Variants in ABCC1 observed in about 807,000 individuals in gnomAD.
ABCC1 encodes multidrug resistance-associated protein 1.
ABCC1 carries 83 observed loss-of-function variants against 172.9 expected under a neutral mutation model. The ratio of observed to expected loss-of-function variants is 0.48; its 90% CI spans 0.40 to 0.58. ABCC1 has a LOEUF of 0.58. Ranked by LOEUF, ABCC1 falls within the 20% of genes least tolerant of loss-of-function variation. The probability of loss-of-function intolerance (pLI) is 0.00; values close to 1 mark genes in which losing one functional copy is unlikely to be tolerated. For synonymous variants in ABCC1, 937 were observed against 825.2 expected (o/e 1.14, Z -2.32); for missense variants, 1,817 against 2,002.7 (o/e 0.91, Z 1.77).
intron 1 of ABCC1, among the ~76,000 whole-genome samples, chr16:15,950,033 C>T (rs185795826): frequency 5.2e-4 from 79 of 152,142 alleles, no homozygotes; most frequent in Admixed American, 3.7e-3. Context: ...GTGCCCAGCC[C>T]TGGGGTTTTG....
intron 26 of ABCC1, among the ~76,000 whole-genome samples, chr16:16,126,891 T>G (rs1044146743): frequency 6.6e-6 from 1 of 152,158 alleles, no homozygotes; most frequent in African/African-American, 2.4e-5. Context: ...AACCCTGCCG[T>G]TATTGAACCC....
intron 1 of ABCC1, among the ~76,000 whole-genome samples, chr16:15,985,103 A>G (rs1373326387): frequency 6.6e-6 from 1 of 152,170 alleles, no homozygotes; most frequent in Non-Finnish European, 1.5e-5. Flanking sequence ...ACTCTGTCTT[A>G]AAGCAAAAAC....
chr16:15,969,736 C>G (rs1020455139), intron 1 of ABCC1, among the ~76,000 whole-genome samples: 1 of 151,592 alleles, frequency 6.6e-6, no homozygotes, highest in African/African-American at 2.4e-5. Flanking sequence ...CGAGGCAAGA[C>G]TTGGGTGAGT....
chr16:15,949,886 C>A, intron 1 of ABCC1, 87 bp downstream of exon 1: 1 of 1,079,534 alleles, frequency 9.3e-7, no homozygotes, highest in Non-Finnish European at 1.2e-6. Flanking sequence ...GCCCGGGGCA[C>A]CCCGCTCCCC....
intron 1 of ABCC1, among the ~76,000 whole-genome samples, chr16:15,970,007 G>A (rs941663106): frequency 2.6e-5 from 4 of 152,170 alleles, no homozygotes; most frequent in Admixed American, 1.3e-4. Context: ...GGGGAGCTGC[G>A]TGGTGCCCGG....
intron 1 of ABCC1, among the ~76,000 whole-genome samples, chr16:16,004,572 A>C (rs916723869): frequency 2.0e-5 from 3 of 152,136 alleles, no homozygotes; most frequent in Non-Finnish European, 2.9e-5. Flanking sequence ...CAGGCCAAAA[A>C]GACGTGAACT....
At chr16:16,031,715 G>T (rs1482229297) in intron 5 of ABCC1, among the ~76,000 whole-genome samples, 1 of 152,126 alleles carries the variant, frequency 6.6e-6, no homozygotes, top group Non-Finnish European at 1.5e-5. Context: ...TCAGGTGCCA[G>T]CTTGACTGTC....
At chr16:16,120,949 A>G (rs867870314) in intron 23 of ABCC1, among the ~76,000 whole-genome samples, 10 of 152,286 alleles carry the variant, frequency 6.6e-5, no homozygotes, top group Middle Eastern at 3.4e-3. Flanking sequence ...AACAATAGTC[A>G]CCAGCTAACT....
intron 21 of ABCC1, among the ~76,000 whole-genome samples, chr16:16,107,924 G>T (rs935512996): frequency 1.3e-5 from 2 of 151,166 alleles, no homozygotes; most frequent in African/African-American, 4.9e-5. Context: ...TAGCCGGGGA[G>T]TGGGGCTGGG....
chr16:16,002,966 CAT>C (rs2047371774), intron 1 of ABCC1, among the ~76,000 whole-genome samples: 1 of 152,120 alleles, frequency 6.6e-6, no homozygotes, highest in African/African-American at 2.4e-5. Flanking sequence ...GGGAGAAAGA[CAT>C]ATTTTTCACT....
intron 1 of ABCC1, among the ~76,000 whole-genome samples, chr16:15,980,475 C>G (rs1302067831): frequency 1.3e-5 from 2 of 152,136 alleles, no homozygotes; most frequent in Admixed American, 1.3e-4. Context: ...GAAAGGGAAG[C>G]AAACATGTCC....
rs1555480464 is a variant in ABCC1 at position 16,007,243 on chromosome 16, TGA to T, written c.49-568_49-567del. ...GTGTGTGTGTGTGTGTGTGTGTGTG[TGA>T]GAGACAGGGTCTCGCTCTGTTGCCC... On this transcript the variant is annotated intron_variant, in intron 1 of 30. Transcript: ENST00000399410. Among the ~76,000 whole-genome samples, 185 of 151,306 alleles carry T rather than the reference TGA, an allele frequency of 1.2e-3. 1 individual carries two copies. The highest frequency in any genetic ancestry group is 3.3e-3 in the African/African-American group (138 of 41,218).
rs562314494 is a variant in ABCC1, at chr16:16,052,547, G to T, written c.1381-177G>T. On this transcript the variant is annotated intron_variant, in intron 10 of 30. Transcript: ENST00000399410. ...CTTCAAGGGATTGGGAGGACCTGGAGAGATGCTCAGGAATGAAACCACAGG... is the reference window on the plus strand; with the variant it reads ...CTTCAAGGGATTGGGAGGACCTGGATAGATGCTCAGGAATGAAACCACAGG... Among the ~76,000 whole-genome samples, 15 of 152,328 alleles carry T rather than the reference G, an allele frequency of 9.8e-5. No homozygotes were observed. In the East Asian group the frequency reaches 2.9e-3, roughly 29 times the overall value.
intron 20 of ABCC1, among the ~76,000 whole-genome samples, chr16:16,105,692 A>C (rs550274515): frequency 6.7e-6 from 1 of 150,168 alleles, no homozygotes; most frequent in South Asian, 2.1e-4. Context: ...CATGGTCTCC[A>C]TAATTTCTTT....
At chr16:15,975,128 A>G (rs1597066165) in intron 1 of ABCC1, among the ~76,000 whole-genome samples, 2 of 152,054 alleles carry the variant, frequency 1.3e-5, no homozygotes, top group Non-Finnish European at 2.9e-5. Context: ...GCAGTCAGAG[A>G]TGTTGCCTGC....
At chr16:16,127,019 T>C (rs1377909372) in intron 26 of ABCC1, among the ~76,000 whole-genome samples, 1 of 152,112 alleles carries the variant, frequency 6.6e-6, no homozygotes, top group Admixed American at 6.6e-5. Context: ...CAGTCTTTGA[T>C]GTTGCGTTGC....
chr16:15,984,503 C>T (rs1402700220), intron 1 of ABCC1, among the ~76,000 whole-genome samples: 2 of 146,026 alleles, frequency 1.4e-5, no homozygotes, highest in African/African-American at 5.1e-5. Context: ...AGTGCAGTGG[C>T]GTGATCGTGG....
chr16:16,117,432 TCAA>T (rs944725472), intron 23 of ABCC1, among the ~76,000 whole-genome samples: 1 of 152,080 alleles, frequency 6.6e-6, no homozygotes, highest in African/African-American at 2.4e-5. Context: ...GAACTACAAT[TCAA>T]GATGAAATTT....
intron 4 of ABCC1, among the ~76,000 whole-genome samples, chr16:16,015,069 G>T: frequency 6.6e-6 from 1 of 151,858 alleles, no homozygotes; most frequent in African/African-American, 2.4e-5. Context: ...TGCTGCTCTG[G>T]CTGGGGAAGT....
Sources: allele counts gnomAD v4.1 joint callset (sites outside exome capture counted in the v4.1 genomes callset), GRCh38; gene constraint gnomAD v4.1.1; transcripts MANE v1.5; gene names NCBI Gene and HGNC (gene_info 2026-07-23, HGNC 2026-07-21).